Variants in MGAM observed in about 807,000 individuals in gnomAD.
MGAM encodes alpha-1,4-glucosidase.
A neutral mutation model predicts 358.8 loss-of-function variants in MGAM; 253 were observed. The observed-to-expected ratio is 0.71, with a 90% CI of 0.64 to 0.78. The LOEUF (loss-of-function observed/expected upper bound fraction) is 0.78, where lower values mean the gene tolerates loss of function less well. Ranked by LOEUF, MGAM falls within the 30% of genes least tolerant of loss-of-function variation. The pLI, the probability that MGAM is intolerant of heterozygous loss-of-function variation, is 0.00. For missense variants in MGAM, 3,080 were observed against 3,432.6 expected, an observed-to-expected ratio of 0.90 and a Z score of 2.57; for synonymous variants, 1,105 against 1,227.1, an observed-to-expected ratio of 0.90 and a Z score of 2.08.
intron 48 of MGAM, 94 bp downstream of exon 48, chr7:142,078,564 A>G: frequency 7.9e-7 from 1 of 1,261,798 alleles, no homozygotes; most frequent in Non-Finnish European, 1.1e-6. Context: ...AACTACTTAA[A>G]ATCCATAGAA....
Position 142,033,007 on chromosome 7 carries a change from A to C in MGAM, c.1669+98A>C, listed in dbSNP as rs548434821. 9.9e-6 allele frequency: 7 copies of C among 707,324 alleles called. No individual in the cohort carries two copies. In the African/African-American group the frequency reaches 1.3e-4, roughly 13 times the overall value. The allele number at this position is 707,324 out of a possible 1,614,324, so 43.8% of individuals were successfully genotyped here. A position where few individuals can be genotyped will look rare whatever the true frequency, so the allele number is the denominator to read the frequency against. On this transcript the variant is annotated intron_variant, in intron 14 of 70. Coordinates refer to ENST00000475668, the MANE Select transcript of MGAM (RefSeq NM_001365693.1). ...AAAAATCTGGCAAGGGAATTTGTTC[A>C]TAATTGTGCATAGAAAAAGAAATAT...
At chr7:142,051,791 A>G (rs1370498764) in intron 24 of MGAM, among the ~76,000 whole-genome samples, 1 of 152,098 alleles carries the variant, frequency 6.6e-6, no homozygotes, top group Non-Finnish European at 1.5e-5. Context: ...ATGCATACCT[A>G]CTATATACCC....
chr7:142,069,118 C>T (rs1376349304), intron 43 of MGAM, among the ~76,000 whole-genome samples: 1 of 146,198 alleles, frequency 6.8e-6, no homozygotes, highest in Non-Finnish European at 1.5e-5. Flanking sequence ...CGTTTTGTCT[C>T]TTTTGATTAA....
chr7:142,008,468 TTTG>T (rs1554453186), intron 2 of MGAM, 35 bp from the exon 3 acceptor site: 1 of 1,554,432 alleles, frequency 6.4e-7, no homozygotes, highest in Admixed American at 2.0e-5. Context: ...TGAAATTAAA[TTTG>T]TCTAATGGTC....
At chr7:141,998,873 G>C (rs1479112739) in intron 1 of MGAM, among the ~76,000 whole-genome samples, 3 of 152,094 alleles carry the variant, frequency 2.0e-5, no homozygotes, top group Non-Finnish European at 4.4e-5. Context: ...ACTCCCAACA[G>C]TGTAAAAGCG....
chr7:142,058,204 T>G lies in MGAM; in HGVS notation c.3695T>G (p.Leu1232Trp). Residue 1232 changes from leucine to tryptophan, a missense_variant and splice_region_variant, in exon 31 of 71, where the codon TTG becomes TGG. Coordinates refer to ENST00000475668, the MANE Select transcript of MGAM (RefSeq NM_001365693.1). The stretch of plus-strand genomic sequence containing the variant: ...TAATATTTTCTGTCTATTTTCTAGT[T>G]GATTGGCCGGCCTGTGATGGTACCT... ...PELVTQQYTELIGRPVMVPYW... is the reference protein window; with the variant it reads ...PELVTQQYTEWIGRPVMVPYW... 1.9e-6 allele frequency: 3 copies of G among 1,613,850 alleles called. No homozygotes were observed. The highest frequency in any genetic ancestry group is 1.7e-6 in the Non-Finnish European group (2 of 1,179,796).
Position 142,008,495 on chromosome 7 carries a change from T to G in MGAM, c.128-11T>G, listed in dbSNP as rs1182635342. The G allele has an allele frequency of 1.3e-6, 2 of 1,598,380 alleles. No individual in the cohort carries two copies. Among genetic ancestry groups the G allele is most frequent in the Non-Finnish European group, 1.7e-6 (2 of 1,172,720 alleles). On this transcript the variant is annotated splice_polypyrimidine_tract_variant and intron_variant, in intron 2 of 70. Coordinates refer to ENST00000475668, the MANE Select transcript of MGAM (RefSeq NM_001365693.1). The stretch of plus-strand genomic sequence containing the variant: ...TGTCTAATGGTCTTTTTATGTTTGC[T>G]TTTGGTATAGCCCCAGATCCTGGGA...
intron 67 of MGAM, 56 bp from the exon 68 acceptor site, chr7:142,100,746 T>C (rs1816370969): frequency 6.9e-7 from 1 of 1,452,336 alleles, no homozygotes; most frequent in East Asian, 2.4e-5. Context: ...TGTAAAGTCT[T>C]GGTTTGTGGC....
At chr7:142,020,068 CA>C (rs10601773) in intron 4 of MGAM, among the ~76,000 whole-genome samples, 11,215 of 136,494 alleles carry the variant, frequency 0.082, 434 homozygotes, top group Middle Eastern at 0.16. Flanking sequence ...GACTCCGTCT[CA>C]AAAAAAAAAA....
chr7:142,021,779 T>C (rs782046166), intron 6 of MGAM, 42 bp downstream of exon 6: 1 of 1,601,478 alleles, frequency 6.2e-7, no homozygotes, highest in African/African-American at 1.3e-5. Context: ...GTAGGAAGGT[T>C]ACAGGGAGGT....
chr7:142,027,650 G>A lies in MGAM; in HGVS notation c.1136G>A (p.Gly379Glu), dbSNP rs191269779. The A allele has an allele frequency of 1.6e-4, 257 of 1,613,764 alleles. 4 individuals carry two copies. In the Middle Eastern group the frequency reaches 0.01, roughly 64 times the overall value. ...RPALPSYWAL[G>E]FHLSRYEYGT... ...GCCCTTCCCTCCTACTGGGCGCTTG[G>A]ATTTCACCTCAGTCGTTACGAATAT... Residue 379 changes from glycine to glutamate, a missense_variant, in exon 10 of 71, where the codon GGA (glycine) becomes GAA (glutamate). Around this residue, in one of 5 missense-constraint regions of MGAM, gnomAD observed 1,816 missense variants for 1,840.5 expected, o/e 0.99. Coordinates refer to ENST00000475668, the MANE Select transcript of MGAM (RefSeq NM_001365693.1).
chr7:142,039,388 A>G (rs1174189009), intron 19 of MGAM, among the ~76,000 whole-genome samples: 1 of 151,962 alleles, frequency 6.6e-6, no homozygotes, highest in East Asian at 1.9e-4. Context: ...GGTGTGAGTC[A>G]CCGCGCTTGG....
rs576684251 is a variant in MGAM at position 142,100,814 on chromosome 7, C to G, written c.7887C>G (p.Phe2629Leu). 1.2e-6 allele frequency: 2 copies of G among 1,611,896 alleles called. No individual in the cohort carries two copies. The highest frequency in any genetic ancestry group is 2.7e-5 in the African/African-American group (2 of 74,996). ...ALNTHLSRQK[F>L]MGFKIALDDE... ...CTGCTCACTGCAGCCGCCAGAAATT[C>G]ATGGGCTTCAAAATTGCCTTGGATG... is the stretch of plus-strand genomic sequence containing the variant. Residue 2629 changes from phenylalanine to leucine, a missense_variant, in exon 68 of 71, where the codon TTC becomes TTG. Physicochemically the swap from Phe to Leu is conservative, Grantham distance 22. Around this residue, in one of 5 missense-constraint regions of MGAM, gnomAD observed 194 missense variants for 172.8 expected, o/e 1.12. Transcript: ENST00000475668.
intron 57 of MGAM, among the ~76,000 whole-genome samples, chr7:142,089,832 A>C (rs963922413): frequency 1.4e-5 from 2 of 145,690 alleles, no homozygotes; most frequent in African/African-American, 4.9e-5. Flanking sequence ...AATGACAAAA[A>C]CTTCAATTAC....
chr7:142,065,942 TG>T lies in MGAM; in HGVS notation c.4770+112del, dbSNP rs1245611600. 2.4e-4 allele frequency: 203 copies of T among 838,426 alleles called. 3 individuals are homozygous for T. The African/African-American group carries it at 3.1e-3, about 13-fold the overall frequency. The allele number at this position is 838,426 out of a possible 1,614,324, so 51.9% of individuals were successfully genotyped here. ...TTCCTGGGATATCTTTAAAAAAAGGTGTTTTTTTTTGTTTTGTTTTGTTTTG... is the reference window on the plus strand; with the variant it reads ...TTCCTGGGATATCTTTAAAAAAAGGTTTTTTTTTTGTTTTGTTTTGTTTTG... On this transcript the variant is annotated intron_variant, in intron 40 of 70. Transcript: ENST00000475668.
intron 34 of MGAM, among the ~76,000 whole-genome samples, chr7:142,062,256 C>A (rs1026147183): frequency 1.4e-4 from 21 of 152,176 alleles, no homozygotes; most frequent in Non-Finnish European, 2.6e-4. Flanking sequence ...TAGGAAATGG[C>A]AGGACTGACG....
intron 29 of MGAM, 77 bp from the exon 30 acceptor site, chr7:142,056,753 G>A: frequency 7.1e-7 from 1 of 1,408,936 alleles, no homozygotes; most frequent in Non-Finnish European, 9.9e-7. Flanking sequence ...GCAGGAAGAT[G>A]GAGAATGTGT....
rs750034561 is a variant in MGAM, at chr7:142,071,040, C to G, written c.5108C>G (p.Pro1703Arg). The G allele has an allele frequency of 1.9e-6, 3 of 1,556,430 alleles. No homozygotes were observed. The highest frequency in any genetic ancestry group is 2.6e-6 in the Non-Finnish European group (3 of 1,132,576). The change falls in exon 44 of 71, where the codon CCT (proline) becomes CGT (arginine). Residue 1703 changes from proline to arginine, a missense_variant. Transcript: ENST00000475668. ...GGAGAGTGGAAGACCTTGCCAGCCCCTCTTGACCACATTAATCTTCATGTC... is the reference window on the plus strand; with the variant it reads ...GGAGAGTGGAAGACCTTGCCAGCCCGTCTTGACCACATTAATCTTCATGTC... ...ARGEWKTLPA[P>R]LDHINLHVRG...
intron 57 of MGAM, among the ~76,000 whole-genome samples, chr7:142,088,996 G>GTATGTATGTATGTATATATCTATCTATC (rs771119657): frequency 3.4e-5 from 4 of 117,970 alleles, no homozygotes; most frequent in African/African-American, 1.2e-4. Flanking sequence ...ATGTATGTAT[G>GTATGTATGTATGTATATATCTATCTATC]TATCTATCTA....
Sources: gnomAD v4.1 joint callset for allele counts (sites outside exome capture counted in the v4.1 genomes callset) on GRCh38, gnomAD v4.1.1 for gene constraint, gnomAD v4.1.1 regional missense constraint, MANE v1.5 for transcripts, NCBI Gene and HGNC (gene_info 2026-07-23, HGNC 2026-07-21) for gene names.